Variants in KAZN observed in about 807,000 individuals in gnomAD.
The protein encoded by KAZN is kazrin, periplakin interacting protein, also known as kazrin.
In KAZN, 40 loss-of-function variants were observed where a neutral mutation model predicts 87.4. That is an observed-to-expected ratio of 0.46 (90% CI 0.36 to 0.60). The LOEUF is 0.60. Among genes scored for constraint, KAZN ranks in the 20% least tolerant of loss-of-function variants. The probability of loss-of-function intolerance (pLI) is 0.00; values close to 1 mark genes in which losing one functional copy is unlikely to be tolerated. For missense variants in KAZN, 898 were observed against 1,073.9 expected (o/e 0.84, Z 2.29); for synonymous variants, 466 against 458.3 (o/e 1.02, Z -0.22).
intron 2 of KAZN, among the ~76,000 whole-genome samples, chr1:14,591,844 C>T (rs549294875): frequency 9.9e-5 from 15 of 152,258 alleles, no homozygotes; most frequent in East Asian, 5.8e-4. Flanking sequence ...CAACACTGAA[C>T]GCATAGATTT....
intron 1 of KAZN, among the ~76,000 whole-genome samples, chr1:14,822,974 A>T (rs1246236333): frequency 1.3e-5 from 2 of 152,140 alleles, no homozygotes; most frequent in Admixed American, 1.3e-4. Flanking sequence ...GGTAAAGGGG[A>T]TCGCCACCAT....
intron 1 of KAZN, among the ~76,000 whole-genome samples, chr1:14,780,592 T>C (rs763778249): frequency 1.3e-5 from 2 of 152,202 alleles, no homozygotes; most frequent in Admixed American, 6.5e-5. Context: ...TTAAGCAAGA[T>C]GCTATAAATA....
chr1:15,028,327 AGGACCCGCGTGGGTGAGGCCAGATGATTG>A (rs1282083692), intron 2 of KAZN, among the ~76,000 whole-genome samples: 2 of 152,210 alleles, frequency 1.3e-5, no homozygotes, highest in Non-Finnish European at 2.9e-5. Context: ...CTGCTGGAAT[AGGACCCGCGTGGGTGAGGCCAGATGATTG>A]GGAAGTCATG....
chr1:14,811,322 T>C (rs1201002795), intron 1 of KAZN, among the ~76,000 whole-genome samples: 1 of 152,228 alleles, frequency 6.6e-6, no homozygotes, highest in Non-Finnish European at 1.5e-5. Flanking sequence ...CCCCAAATCT[T>C]GAATCTCATT....
intron 2 of KAZN, among the ~76,000 whole-genome samples, chr1:14,250,600 G>C (rs962345517): frequency 2.0e-5 from 3 of 151,744 alleles, no homozygotes; most frequent in African/African-American, 7.3e-5. Flanking sequence ...TCAACATTAA[G>C]ACTTTGAAGC....
At chr1:14,346,122 A>C (rs1280741457) in intron 2 of KAZN, among the ~76,000 whole-genome samples, 1 of 152,208 alleles carries the variant, frequency 6.6e-6, no homozygotes, top group East Asian at 1.9e-4. Context: ...TCAGGCATTC[A>C]TCGTCCAGGC....
intron 1 of KAZN, among the ~76,000 whole-genome samples, chr1:14,910,974 C>T (rs1361174197): frequency 6.6e-6 from 1 of 152,198 alleles, no homozygotes; most frequent in African/African-American, 2.4e-5. Flanking sequence ...TTCCTATAGA[C>T]CAAGCTTCCA....
chr1:14,908,780 C>T (rs1358763679), intron 1 of KAZN, among the ~76,000 whole-genome samples: 1 of 151,748 alleles, frequency 6.6e-6, no homozygotes, highest in Non-Finnish European at 1.5e-5. Flanking sequence ...TTTGAGAGGC[C>T]GAGGCAGGTA....
At chr1:14,350,329 CAAT>C (rs1658445050) in intron 2 of KAZN, among the ~76,000 whole-genome samples, 1 of 152,064 alleles carries the variant, frequency 6.6e-6, no homozygotes, top group African/African-American at 2.4e-5. Context: ...GTTTTATAAA[CAAT>C]GATGAAAAGA....
chr1:14,732,294 A>C (rs1467619591), intron 1 of KAZN, among the ~76,000 whole-genome samples: 1 of 152,162 alleles, frequency 6.6e-6, no homozygotes, highest in East Asian at 1.9e-4. Context: ...GGATTGGTGC[A>C]GTCCCCAGTA....
chr1:14,131,759 G>A (rs1231518826), intron 1 of KAZN, among the ~76,000 whole-genome samples: 2 of 152,014 alleles, frequency 1.3e-5, no homozygotes, highest in African/African-American at 4.8e-5. Flanking sequence ...GTTCAGGTGA[G>A]GCTTGATTCA....
chr1:14,394,779 G>A (rs780292723), intron 2 of KAZN, among the ~76,000 whole-genome samples: 18 of 152,278 alleles, frequency 1.2e-4, no homozygotes, highest in Middle Eastern at 3.4e-3. Flanking sequence ...CTTGTTGAAC[G>A]CAGTAAGAAC....
intron 1 of KAZN, among the ~76,000 whole-genome samples, chr1:14,800,612 G>A (rs1039672914): frequency 1.3e-5 from 2 of 152,168 alleles, no homozygotes; most frequent in African/African-American, 4.8e-5. Flanking sequence ...GCTAAGGTGG[G>A]AGGATCGCTT....
intron 1 of KAZN, among the ~76,000 whole-genome samples, chr1:14,816,639 A>G (rs533045895): frequency 1.3e-5 from 2 of 152,366 alleles, no homozygotes; most frequent in South Asian, 4.1e-4. Flanking sequence ...ATTAATAGAT[A>G]TAGATACAGA....
chr1:14,963,784 C>T (rs1664152658), intron 2 of KAZN, among the ~76,000 whole-genome samples: 1 of 151,582 alleles, frequency 6.6e-6, no homozygotes, highest in Admixed American at 6.6e-5. Flanking sequence ...TCCCCTTGCC[C>T]CCTACTGCCC....
intron 1 of KAZN, among the ~76,000 whole-genome samples, chr1:14,035,084 GTCTTCTT>G (rs1641493150): frequency 6.6e-6 from 1 of 152,178 alleles, no homozygotes; most frequent in African/African-American, 2.4e-5. Flanking sequence ...AAAAGAAGGT[GTCTTCTT>G]TTGTTCATTC....
intron 1 of KAZN, among the ~76,000 whole-genome samples, chr1:14,736,254 GGTGTGTGTGTGTGTGTGTGT>G (rs528070001): frequency 6.1e-5 from 7 of 115,300 alleles, no homozygotes; most frequent in Non-Finnish European, 8.9e-5. Context: ...GGGACTCAAG[GGTGTGTGTGTGTGTGTGTGT>G]GTGTGTGTGT....
intron 1 of KAZN, among the ~76,000 whole-genome samples, chr1:14,809,736 C>T (rs947247879): frequency 6.6e-6 from 1 of 152,134 alleles, no homozygotes. Flanking sequence ...CAGTGCTCGC[C>T]GTGTGGGTGG....
chr1:14,621,759 G>C (rs1477026022), intron 1 of KAZN, among the ~76,000 whole-genome samples: 1 of 152,202 alleles, frequency 6.6e-6, no homozygotes, highest in African/African-American at 2.4e-5. Context: ...TCTGTTGTTT[G>C]CCGCCATGTA....
Sources: gnomAD v4.1 joint callset for allele counts (sites outside exome capture counted in the v4.1 genomes callset) on GRCh38, gnomAD v4.1.1 for gene constraint, MANE v1.5 for transcripts, NCBI Gene and HGNC (gene_info 2026-07-23, HGNC 2026-07-21) for gene names.